Variants in PRLR observed in about 807,000 individuals in gnomAD.
The protein encoded by PRLR is hPRL receptor.
PRLR carries 13 observed loss-of-function variants against 40.2 expected under a neutral mutation model. That is an observed-to-expected ratio of 0.32 (90% CI 0.21 to 0.51). The LOEUF (loss-of-function observed/expected upper bound fraction) is 0.51, where lower values mean the gene tolerates loss of function less well. Ranked by LOEUF, PRLR falls within the 20% of genes least tolerant of loss-of-function variation. PRLR has a pLI of 0.97. For missense variants in PRLR, 656 were observed against 747.3 expected (o/e 0.88, Z 1.42); for synonymous variants, 269 against 278.7 (o/e 0.97, Z 0.35).
chr5:35,141,051 C>T (rs79476013), intron 1 of PRLR, among the ~76,000 whole-genome samples: 2,258 of 152,182 alleles, frequency 0.015, 64 homozygotes, highest in African/African-American at 0.051. Flanking sequence ...TCAGCTGGCC[C>T]TTGATTTTGC....
intron 1 of PRLR, among the ~76,000 whole-genome samples, chr5:35,197,465 C>T (rs939431315): frequency 6.6e-6 from 1 of 152,202 alleles, no homozygotes; most frequent in Non-Finnish European, 1.5e-5. Flanking sequence ...TGGGAGTGAC[C>T]CCCGATTGGT....
intron 1 of PRLR, 43 bp downstream of exon 1, chr5:35,230,225 C>G (rs1027942099): frequency 2.0e-5 from 3 of 152,244 alleles, no homozygotes; most frequent in Non-Finnish European, 2.9e-5. Flanking sequence ...CAGCCCCTGC[C>G]GCGCGCCGTC....
chr5:35,203,939 T>C (rs1194094073), intron 1 of PRLR, among the ~76,000 whole-genome samples: 1 of 152,054 alleles, frequency 6.6e-6, no homozygotes, highest in Non-Finnish European at 1.5e-5. Flanking sequence ...ATTGATTTTT[T>C]GAGGGTCACA....
intron 1 of PRLR, chr5:35,194,961 G>A (rs984810684): frequency 2.6e-5 from 4 of 152,174 alleles, no homozygotes; most frequent in Non-Finnish European, 5.9e-5. Context: ...CATACCACAC[G>A]AACATAAGAT....
intron 7 of PRLR, 91 bp from the exon 8 acceptor site, chr5:35,068,969 G>T: frequency 1.1e-6 from 1 of 886,702 alleles, no homozygotes. Flanking sequence ...ACCCAAGAGT[G>T]TTTTCCTCCA....
chr5:35,128,928 CTTCCCCGTA>C (rs1561322624), intron 1 of PRLR, among the ~76,000 whole-genome samples: 1 of 152,170 alleles, frequency 6.6e-6, no homozygotes, highest in African/African-American at 2.4e-5. Context: ...TCTCTGCCTC[CTTCCCCGTA>C]TTCCCTCTTT....
At position 35,096,864 on chromosome 5, in the gene PRLR, C is replaced by T. The variant is rs552152507; in HGVS notation, c.-43-7201G>A. On this transcript the variant is annotated intron_variant, in intron 2 of 9. Transcript: ENST00000618457. ...TGAACTCCTGGTCTCAAGTGATCTG[C>T]CCACCTCAACCTCCCAAAGTGCTGG... 7.9e-5 allele frequency among the ~76,000 whole-genome samples: 12 copies of T among 152,260 alleles called. No individual in the cohort carries two copies. In the East Asian group the frequency reaches 2.1e-3, roughly 27 times the overall value.
intron 1 of PRLR, among the ~76,000 whole-genome samples, chr5:35,163,045 A>G (rs1013218756): frequency 1.3e-5 from 2 of 152,010 alleles, no homozygotes; most frequent in African/African-American, 4.8e-5. Context: ...CACTGGGAGG[A>G]ATACACACTG....
At chr5:35,182,558 A>G (rs1274173290) in intron 1 of PRLR, among the ~76,000 whole-genome samples, 1 of 152,212 alleles carries the variant, frequency 6.6e-6, no homozygotes, top group Admixed American at 6.5e-5. Context: ...ATCATTTAGC[A>G]CTGGGATGGA....
intron 1 of PRLR, among the ~76,000 whole-genome samples, chr5:35,190,355 A>G (rs1028827678): frequency 6.6e-6 from 1 of 152,234 alleles, no homozygotes; most frequent in African/African-American, 2.4e-5. Flanking sequence ...CTGTAATCCC[A>G]GCACTTCGGA....
intron 1 of PRLR, among the ~76,000 whole-genome samples, chr5:35,143,058 T>C (rs889444376): frequency 3.3e-5 from 5 of 152,234 alleles, no homozygotes; most frequent in Non-Finnish European, 1.5e-5. Context: ...AAATTGTTGA[T>C]ATGAACTTAC....
chr5:35,183,971 A>G (rs1465477456), intron 1 of PRLR, among the ~76,000 whole-genome samples: 1 of 152,164 alleles, frequency 6.6e-6, no homozygotes, highest in Non-Finnish European at 1.5e-5. Context: ...ATTTGTATAG[A>G]AGTAACTCTA....
At chr5:35,221,838 C>T (rs973364900) in intron 1 of PRLR, among the ~76,000 whole-genome samples, 1 of 152,114 alleles carries the variant, frequency 6.6e-6, no homozygotes, top group African/African-American at 2.4e-5. Context: ...AAAAGAAAAC[C>T]CAACCATTTG....
chr5:35,163,026 C>A (rs1340809852), intron 1 of PRLR, among the ~76,000 whole-genome samples: 2 of 152,088 alleles, frequency 1.3e-5, no homozygotes, highest in Non-Finnish European at 2.9e-5. Flanking sequence ...AAACTCCAAC[C>A]GACTTGCGCA....
intron 1 of PRLR, among the ~76,000 whole-genome samples, chr5:35,182,621 C>T (rs1464986891): frequency 6.7e-6 from 1 of 149,042 alleles, no homozygotes; most frequent in Non-Finnish European, 1.5e-5. Flanking sequence ...TGCTCAACAG[C>T]AGGAGGCCTT....
intron 6 of PRLR, among the ~76,000 whole-genome samples, chr5:35,072,277 T>G (rs531379128): frequency 6.6e-6 from 1 of 152,158 alleles, no homozygotes; most frequent in African/African-American, 2.4e-5. Context: ...CCCTCCCACC[T>G]TGTGCCATTT....
chr5:35,124,243 A>C (rs566530852), intron 1 of PRLR, among the ~76,000 whole-genome samples: 1 of 152,378 alleles, frequency 6.6e-6, no homozygotes, highest in East Asian at 1.9e-4. Context: ...ATGGCTGGGC[A>C]GAGCTAAAAC....
At chr5:35,052,037 C>A (rs912854564), downstream of PRLR, among the ~76,000 whole-genome samples, 4 of 152,084 alleles carry the variant, frequency 2.6e-5, no homozygotes, top group Non-Finnish European at 5.9e-5. Context: ...CCCAATAATA[C>A]AGCTTCAAAA....
intron 3 of PRLR, among the ~76,000 whole-genome samples, 188 bp downstream of exon 3, chr5:35,089,363 A>G (rs967945646): frequency 1.3e-5 from 2 of 152,216 alleles, no homozygotes; most frequent in African/African-American, 2.4e-5. Context: ...CAGTGACAAG[A>G]TTTTGCATTA....
Sources: gnomAD v4.1 joint callset for allele counts (sites outside exome capture counted in the v4.1 genomes callset) on GRCh38, gnomAD v4.1.1 for gene constraint, MANE v1.5 for transcripts, NCBI Gene and HGNC (gene_info 2026-07-23, HGNC 2026-07-21) for gene names.